Variants in CDH18 observed in about 807,000 individuals in gnomAD.
The protein encoded by CDH18 is cadherin-18.
Under a neutral mutation model 67.9 loss-of-function variants are expected in CDH18, and 31 were observed. The ratio of observed to expected loss-of-function variants is 0.46; its 90% CI spans 0.34 to 0.62. The LOEUF is 0.62. CDH18 is among the 20% of genes least tolerant of loss of function. The pLI is 0.01. For missense variants in CDH18, 890 were observed against 975.5 expected, an observed-to-expected ratio of 0.91 and a Z score of 1.17; for synonymous variants, 362 against 347.2, an observed-to-expected ratio of 1.04 and a Z score of -0.48.
intron 2 of CDH18, among the ~76,000 whole-genome samples, chr5:20,145,467 AT>A (rs1226995348): frequency 6.6e-6 from 1 of 152,116 alleles, no homozygotes; most frequent in Non-Finnish European, 1.5e-5. Context: ...TTACAGTCTC[AT>A]TTTTCTATGT....
chr5:19,551,627 T>G (rs112371621), intron 8 of CDH18, among the ~76,000 whole-genome samples: 3 of 152,292 alleles, frequency 2.0e-5, no homozygotes, highest in African/African-American at 7.2e-5. Context: ...AGCTATCACT[T>G]GTTTTAAGGC....
At chr5:19,777,625 G>C (rs1218333992) in intron 3 of CDH18, among the ~76,000 whole-genome samples, 1 of 152,162 alleles carries the variant, frequency 6.6e-6, no homozygotes, top group African/African-American at 2.4e-5. Flanking sequence ...AACTAGCCTT[G>C]AGATGAAAGT....
At chr5:20,394,835 C>T (rs1291597261) in intron 1 of CDH18, among the ~76,000 whole-genome samples, 1 of 151,808 alleles carries the variant, frequency 6.6e-6, no homozygotes. Context: ...TGAAAAAATG[C>T]TCAACATTAC....
At chr5:20,310,662 G>A (rs1736900526) in intron 1 of CDH18, among the ~76,000 whole-genome samples, 1 of 152,118 alleles carries the variant, frequency 6.6e-6, no homozygotes, top group Non-Finnish European at 1.5e-5. Context: ...TTGCATGTTA[G>A]ATATTATTAT....
At chr5:19,536,132 TGAACAAAGATAA>T (rs1429227127) in intron 9 of CDH18, among the ~76,000 whole-genome samples, 8 of 152,156 alleles carry the variant, frequency 5.3e-5, no homozygotes, top group Non-Finnish European at 1.2e-4. Context: ...AATACTATGA[TGAACAAAGATAA>T]GTTAGACCAG....
At chr5:19,830,375 G>A (rs1780879703) in intron 3 of CDH18, among the ~76,000 whole-genome samples, 1 of 151,824 alleles carries the variant, frequency 6.6e-6, no homozygotes, top group Non-Finnish European at 1.5e-5. Flanking sequence ...TTAAAAAGTG[G>A]GCAAAAGACA....
chr5:20,195,299 T>C (rs1260012604), intron 2 of CDH18, among the ~76,000 whole-genome samples: 1 of 152,110 alleles, frequency 6.6e-6, no homozygotes, highest in East Asian at 1.9e-4. Context: ...ATGTGCTATT[T>C]TAATGCATTC....
intron 2 of CDH18, among the ~76,000 whole-genome samples, chr5:19,926,992 C>T (rs961667189): frequency 2.0e-5 from 3 of 151,966 alleles, no homozygotes; most frequent in Non-Finnish European, 4.4e-5. Flanking sequence ...AAAAAATAAG[C>T]GTTAAAGAAT....
chr5:19,527,732 A>G (rs1369399200), intron 9 of CDH18, among the ~76,000 whole-genome samples: 1 of 151,830 alleles, frequency 6.6e-6, no homozygotes, highest in Non-Finnish European at 1.5e-5. Flanking sequence ...TATCCCATAT[A>G]TTTATTCAAC....
At chr5:20,502,332 C>T (rs1235919864) in intron 1 of CDH18, among the ~76,000 whole-genome samples, 1 of 152,136 alleles carries the variant, frequency 6.6e-6, no homozygotes. Flanking sequence ...ATATAACACA[C>T]TACCAGAGGT....
intron 3 of CDH18, among the ~76,000 whole-genome samples, chr5:19,806,674 G>A (rs181224184): frequency 1.3e-3 from 204 of 152,184 alleles, no homozygotes; most frequent in Middle Eastern, 0.01. Flanking sequence ...AACTTGTATT[G>A]TCACTTCAAT....
chr5:19,724,990 T>C (rs998118997), intron 4 of CDH18, among the ~76,000 whole-genome samples: 4 of 150,394 alleles, frequency 2.7e-5, no homozygotes, highest in East Asian at 2.0e-4. Flanking sequence ...GCAGTGGCAC[T>C]ATCTGGGCTC....
At chr5:20,078,802 G>GA (rs1744190525) in intron 2 of CDH18, among the ~76,000 whole-genome samples, 1 of 152,046 alleles carries the variant, frequency 6.6e-6, no homozygotes, top group Non-Finnish European at 1.5e-5. Flanking sequence ...TTTTAGCAGA[G>GA]ACAGGGTCTC....
At position 20,561,461 on chromosome 5, in the gene CDH18, G is replaced by A. The variant is rs570340001; in HGVS notation, c.-580+14001C>T. 2.0e-5 allele frequency among the ~76,000 whole-genome samples: 3 copies of A among 152,128 alleles called. No individual in the cohort carries two copies. The South Asian group carries it at 6.2e-4, about 31-fold the overall frequency. ...AGCTATCAAACCAAAAAGACATGGA[G>A]CAACCTTAAATTCATCTTACTAAGT... On this transcript the variant is annotated intron_variant, in intron 1 of 14. Transcript: ENST00000507958.
At chr5:19,881,812 G>T (rs1787686614) in intron 2 of CDH18, among the ~76,000 whole-genome samples, 1 of 152,008 alleles carries the variant, frequency 6.6e-6, no homozygotes, top group South Asian at 2.1e-4. Flanking sequence ...GGCCTCAAAT[G>T]CCTTTTGAAT....
intron 1 of CDH18, among the ~76,000 whole-genome samples, chr5:20,434,800 G>C (rs1441680447): frequency 6.6e-6 from 1 of 151,952 alleles, no homozygotes; most frequent in African/African-American, 2.4e-5. Context: ...GGGTGTCAGT[G>C]TTTCAGAGAC....
intron 1 of CDH18, among the ~76,000 whole-genome samples, chr5:20,510,601 G>A (rs1396481452): frequency 6.6e-6 from 1 of 151,862 alleles, no homozygotes; most frequent in Non-Finnish European, 1.5e-5. Flanking sequence ...AAAAAATGTG[G>A]GATTCTATCA....
At chr5:20,505,553 C>T (rs2457042) in intron 1 of CDH18, among the ~76,000 whole-genome samples, 72,532 of 151,936 alleles carry the variant, frequency 0.48, 17,514 homozygotes, top group East Asian at 0.56. Flanking sequence ...TTTTTATCTA[C>T]GTGAGCTCAT....
At chr5:20,050,906 C>T (rs1390864112) in intron 2 of CDH18, among the ~76,000 whole-genome samples, 1 of 151,680 alleles carries the variant, frequency 6.6e-6, no homozygotes, top group East Asian at 1.9e-4. Context: ...ATGGGGAAAG[C>T]TATTATTTGT....
Sources: gnomAD v4.1 joint callset for allele counts (sites outside exome capture counted in the v4.1 genomes callset) on GRCh38, gnomAD v4.1.1 for gene constraint, MANE v1.5 for transcripts, NCBI Gene and HGNC (gene_info 2026-07-23, HGNC 2026-07-21) for gene names.